The following POM121C variants were observed in gnomAD, a reference collection of about 807,000 sequenced individuals.
POM121C encodes nuclear envelope pore membrane protein POM 121C.
Under a neutral mutation model 66.4 loss-of-function variants are expected in POM121C, and 20 were observed. That is an observed-to-expected ratio of 0.30 (90% confidence interval 0.21 to 0.44). The LOEUF (loss-of-function observed/expected upper bound fraction) is 0.44, where lower values mean the gene tolerates loss of function less well. Ranked by LOEUF, POM121C falls within the 20% of genes least tolerant of loss-of-function variation. The pLI, the probability that POM121C is intolerant of heterozygous loss-of-function variation, is 1.00. For synonymous variants in POM121C, 286 were observed against 528.0 expected (o/e 0.54, Z 6.28); for missense variants, 580 against 1,225.7 (o/e 0.47, Z 7.87).
rs1554479208 is a variant in POM121C at position 75,475,203 on chromosome 7, T to C, written c.-457-15A>G. The C allele has an allele frequency of 8.5e-7, 1 of 1,181,446 alleles. No homozygotes were observed. The highest frequency in any genetic ancestry group is 1.5e-5 in the African/African-American group (1 of 65,578). The allele number at this position is 1,181,446 out of a possible 1,614,324, so 73.2% of individuals were successfully genotyped here. A position where few individuals can be genotyped will look rare whatever the true frequency, so the allele number is the denominator to read the frequency against. Reference sequence around the variant, plus strand: ...GACACTGGCCCCTGTAATGGCAACATGATCAGAATTGGGAGATATGGAAAA... The same window carrying C: ...GACACTGGCCCCTGTAATGGCAACACGATCAGAATTGGGAGATATGGAAAA... On this transcript the variant is annotated splice_polypyrimidine_tract_variant and intron_variant, in intron 1 of 14. Transcript: ENST00000615331.
chr7:75,420,550 C>T (rs1249332389), intron 13 of POM121C: 6 of 152,286 alleles, frequency 3.9e-5, no homozygotes, highest in African/African-American at 1.4e-4. Flanking sequence ...AAACTGATCA[C>T]ACTTTTTAAT....
chr7:75,447,624 A>G (rs1465746479), intron 3 of POM121C, among the ~76,000 whole-genome samples: 2 of 152,150 alleles, frequency 1.3e-5, no homozygotes, highest in Non-Finnish European at 2.9e-5. Context: ...TTTCAGACAC[A>G]TAAAAGCTGG....
At chr7:75,447,685 G>C (rs1790870637) in intron 3 of POM121C, among the ~76,000 whole-genome samples, 2 of 151,778 alleles carry the variant, frequency 1.3e-5, no homozygotes, top group Non-Finnish European at 2.9e-5. Context: ...CCCAGAGTTC[G>C]AGAACAGCCT....
In POM121C at chr7:75,418,512, G is replaced by T. The variant is rs1789565444; in HGVS notation, c.*284C>A. Reference sequence around the variant, plus strand: ...GGTGCGCTAAGCGGGAGTCAGGGCAGCGGACACTATGTACAGGTCCTTAGT... The same window carrying T: ...GGTGCGCTAAGCGGGAGTCAGGGCATCGGACACTATGTACAGGTCCTTAGT... On this transcript the variant is annotated 3_prime_UTR_variant, in exon 15 of 15. Coordinates refer to ENST00000615331, the MANE Select transcript of POM121C (RefSeq NM_001099415.3). 8.4e-7 allele frequency: 1 copy of T among 1,184,070 alleles called. No homozygotes were observed. The highest frequency in any genetic ancestry group is 1.6e-5 in the African/African-American group (1 of 61,904). The allele number at this position is 1,184,070 out of a possible 1,614,324, so 73.3% of individuals were successfully genotyped here.
intron 1 of POM121C, 145 bp downstream of exon 1, chr7:75,485,719 G>A (rs1165916217): frequency 5.9e-5 from 22 of 372,578 alleles, no homozygotes; most frequent in Non-Finnish European, 9.6e-5. Flanking sequence ...CCTGTTCGGT[G>A]CAGCCGGACC....
chr7:75,469,254 C>A (rs1369789820), intron 3 of POM121C, among the ~76,000 whole-genome samples: 1 of 152,088 alleles, frequency 6.6e-6, no homozygotes, highest in East Asian at 1.9e-4. Context: ...CATGCACTAC[C>A]AAACCCAGCT....
At chr7:75,419,534 C>T in intron 13 of POM121C, 92 bp from the exon 14 acceptor site, 4 of 1,452,042 alleles carry the variant, frequency 2.8e-6, no homozygotes, top group Admixed American at 2.6e-5. Context: ...AGGGCACTTC[C>T]CACGGGACCC....
chr7:75,481,219 G>A (rs181481410), intron 1 of POM121C, among the ~76,000 whole-genome samples: 1 of 150,518 alleles, frequency 6.6e-6, no homozygotes, highest in Admixed American at 6.6e-5. Context: ...AGAAAATAAT[G>A]CTATCAAATA....
chr7:75,435,135 C>T (rs1305693293), intron 7 of POM121C, among the ~76,000 whole-genome samples: 1 of 152,162 alleles, frequency 6.6e-6, no homozygotes, highest in African/African-American at 2.4e-5. Context: ...GTATTCTTTG[C>T]AGCATTATTT....
At chr7:75,434,660 G>A (rs781806981) in intron 7 of POM121C, among the ~76,000 whole-genome samples, 4 of 147,898 alleles carry the variant, frequency 2.7e-5, no homozygotes, top group African/African-American at 5.0e-5. Context: ...TCTGCTCACT[G>A]CAGCCTGTGC....
chr7:75,437,505 G>C lies in POM121C; in HGVS notation c.480+10C>G, dbSNP rs1410151473. ...TCATGCCCCCCACATTACAAGAGCT[G>C]TACTTGTACCTGTGAGATGCCTCGA... On this transcript the variant is annotated intron_variant, in intron 7 of 14. Coordinates refer to ENST00000615331, the MANE Select transcript of POM121C (RefSeq NM_001099415.3). 3.7e-6 allele frequency: 6 copies of C among 1,609,672 alleles called. No individual in the cohort carries two copies. The African/African-American group carries it at 8.0e-5, about 22-fold the overall frequency.
rs587680038 is a variant in POM121C, at chr7:75,479,565, A to G, written c.-457-4377T>C. Among the ~76,000 whole-genome samples the G allele has an allele frequency of 4.6e-3, 672 of 146,248 alleles. 24 individuals are homozygous for G. Among genetic ancestry groups the G allele is most frequent in the African/African-American group, 0.015 (557 of 36,652 alleles). On this transcript the variant is annotated intron_variant, in intron 1 of 14. Transcript: ENST00000615331. Reference sequence around the variant, plus strand: ...CAGGAGGCAGAGGTTGCAGTGGGCCAAGATAGCACCCCTGCACTCCAGCCT... The same window carrying G: ...CAGGAGGCAGAGGTTGCAGTGGGCCGAGATAGCACCCCTGCACTCCAGCCT...
At position 75,425,014 on chromosome 7, in the gene POM121C, G is replaced by T. The variant is rs74996451; in HGVS notation, c.768+60C>A. 4,743 of 1,532,554 alleles carry T rather than the reference G, an allele frequency of 3.1e-3. 97 individuals are homozygous for T. The East Asian group carries it at 0.046, about 15-fold the overall frequency. 94.9% of individuals were successfully genotyped at this position (1,532,554 alleles called of 1,614,324 possible). A position where few individuals can be genotyped will look rare whatever the true frequency, so the allele number is the denominator to read the frequency against. ...AAAACAGAAGAAACTTGTCCTTAGCGTTCCTAAGACTTAGGAGAGCTAAGC... is the reference window on the plus strand; with the variant it reads ...AAAACAGAAGAAACTTGTCCTTAGCTTTCCTAAGACTTAGGAGAGCTAAGC... On this transcript the variant is annotated intron_variant, in intron 10 of 14. Transcript: ENST00000615331.
chr7:75,462,624 G>A (rs1248059186), intron 3 of POM121C, among the ~76,000 whole-genome samples: 17 of 152,054 alleles, frequency 1.1e-4, no homozygotes, highest in Non-Finnish European at 1.6e-4. Context: ...TTGTTTTCCC[G>A]TTCTCAGCTG....
chr7:75,438,561 C>T (rs1457089159), intron 6 of POM121C, among the ~76,000 whole-genome samples: 8 of 152,190 alleles, frequency 5.3e-5, no homozygotes, highest in African/African-American at 1.9e-4. Context: ...TGTGTACATC[C>T]TCCCTCGCAG....
chr7:75,425,007 C>A, intron 10 of POM121C, 67 bp downstream of exon 10: 2 of 1,534,352 alleles, frequency 1.3e-6, no homozygotes, highest in South Asian at 2.5e-5. Context: ...AGAAACTTGT[C>A]CTTAGCGTTC....
At chr7:75,466,279 C>T (rs1554477817) in intron 3 of POM121C, among the ~76,000 whole-genome samples, 1 of 149,908 alleles carries the variant, frequency 6.7e-6, no homozygotes, top group Non-Finnish European at 1.5e-5. Context: ...AGCAAAATAA[C>T]CACAAAACAA....
intron 13 of POM121C, 84 bp downstream of exon 13, chr7:75,421,425 G>A: frequency 1.3e-6 from 2 of 1,590,402 alleles, no homozygotes; most frequent in African/African-American, 1.4e-5. Flanking sequence ...CACTGCCACA[G>A]CATAAGCTCC....
intron 7 of POM121C, among the ~76,000 whole-genome samples, chr7:75,434,478 T>C (rs1554472834): frequency 6.6e-6 from 1 of 151,976 alleles, no homozygotes; most frequent in Admixed American, 6.6e-5. Context: ...GGTTTTGCCA[T>C]GTTGGTCAGG....
Sources: allele counts gnomAD v4.1 joint callset (sites outside exome capture counted in the v4.1 genomes callset), GRCh38; gene constraint gnomAD v4.1.1; transcripts MANE v1.5; gene names NCBI Gene and HGNC (gene_info 2026-07-23, HGNC 2026-07-21).